Variants in PKHD1 observed in about 807,000 individuals in gnomAD.
The protein encoded by PKHD1 is fibrocystin.
Under a neutral mutation model 412.0 loss-of-function variants are expected in PKHD1, and 291 were observed. The observed-to-expected ratio is 0.71, with a 90% CI of 0.64 to 0.78. The LOEUF is 0.78. PKHD1 is among the 30% of genes least tolerant of loss of function. The probability of loss-of-function intolerance (pLI) is 0.00; values close to 1 mark genes in which losing one functional copy is unlikely to be tolerated. For synonymous variants in PKHD1, 1,777 were observed against 1,821.5 expected, an observed-to-expected ratio of 0.98 and a Z score of 0.62; for missense variants, 4,825 against 4,950.7, an observed-to-expected ratio of 0.97 and a Z score of 0.76.
chr6:51,916,738 T>C (rs1783864712), intron 37 of PKHD1, among the ~76,000 whole-genome samples: 2 of 152,154 alleles, frequency 1.3e-5, no homozygotes, highest in African/African-American at 4.8e-5. Flanking sequence ...GTTGGGTAGC[T>C]CCCTTCCTTT....
chr6:52,003,794 A>G (rs1470787424), intron 35 of PKHD1, among the ~76,000 whole-genome samples: 1 of 152,128 alleles, frequency 6.6e-6, no homozygotes, highest in Non-Finnish European at 1.5e-5. Flanking sequence ...AAGTCCTCCA[A>G]TTTTGTTCCT....
intron 66 of PKHD1, among the ~76,000 whole-genome samples, chr6:51,620,997 G>A (rs1766543933): frequency 1.3e-5 from 2 of 151,996 alleles, no homozygotes; most frequent in South Asian, 4.2e-4. Context: ...CTCTTGCTTA[G>A]AGCTATAAGA....
chr6:51,802,737 G>C (rs1763122827), intron 52 of PKHD1, among the ~76,000 whole-genome samples: 1 of 151,298 alleles, frequency 6.6e-6, no homozygotes, highest in Admixed American at 6.6e-5. Flanking sequence ...ATCAAATATT[G>C]TATCAAATAA....
intron 60 of PKHD1, among the ~76,000 whole-genome samples, chr6:51,676,918 G>C (rs545000775): frequency 3.9e-5 from 6 of 152,194 alleles, no homozygotes; most frequent in Non-Finnish European, 8.8e-5. Context: ...CACTTATAAG[G>C]TGAAGGCATA....
intron 60 of PKHD1, among the ~76,000 whole-genome samples, chr6:51,728,696 A>G (rs1782881021): frequency 6.6e-6 from 1 of 152,210 alleles, no homozygotes; most frequent in South Asian, 2.1e-4. Flanking sequence ...AAGCAGAGAA[A>G]ATAGCCAAGT....
chr6:51,983,700 G>A (rs1795865886), intron 35 of PKHD1, among the ~76,000 whole-genome samples: 1 of 152,204 alleles, frequency 6.6e-6, no homozygotes, highest in African/African-American at 2.4e-5. Context: ...AGGAAGTTAA[G>A]TTTGCACAGC....
chr6:51,984,059 T>G (rs1323453859), intron 35 of PKHD1, among the ~76,000 whole-genome samples: 2 of 152,326 alleles, frequency 1.3e-5, no homozygotes, highest in South Asian at 2.1e-4. Flanking sequence ...AAGGACAGAT[T>G]TGAAAACTCT....
rs752105357 is a variant in PKHD1 at position 52,026,167 on chromosome 6, T to C, written c.3643A>G (p.Ser1215Gly). 1 of 1,614,044 alleles carries C rather than the reference T, an allele frequency of 6.2e-7. No individual in the cohort carries two copies. The highest frequency in any genetic ancestry group is 1.6e-4 in the Middle Eastern group (1 of 6,062). ...CGSLLGGTIL[S>G]ISGIGFSRDP... ...CTGCTGAAGCCTATTCCTGAGATGC[T>C]GAGGATGGTCCCTCCTAAAGTATGA... is the stretch of plus-strand genomic sequence containing the variant. Residue 1215 changes from serine (S) to glycine (G), a missense_variant, in exon 32 of 67, where the codon AGC becomes GGC. Ser to Gly is a moderately conservative substitution (Grantham distance 56, BLOSUM62 0). Transcript: ENST00000371117.
intron 64 of PKHD1, among the ~76,000 whole-genome samples, chr6:51,634,413 A>AATC (rs1232472964): frequency 6.6e-6 from 1 of 152,210 alleles, no homozygotes; most frequent in African/African-American, 2.4e-5. Context: ...GAATAAGCTC[A>AATC]ATCAGGCACA....
intron 52 of PKHD1, among the ~76,000 whole-genome samples, chr6:51,793,956 T>C (rs1219919829): frequency 6.6e-6 from 1 of 152,122 alleles, no homozygotes; most frequent in Non-Finnish European, 1.5e-5. Context: ...CACACTGTCT[T>C]CCACAATGAT....
chr6:51,675,007 T>G (rs1354971331), intron 60 of PKHD1, among the ~76,000 whole-genome samples: 1 of 152,164 alleles, frequency 6.6e-6, no homozygotes, highest in African/African-American at 2.4e-5. Flanking sequence ...TTTTCAGAGT[T>G]TACCAATGAC....
At chr6:51,998,278 A>C (rs1184435530) in intron 35 of PKHD1, among the ~76,000 whole-genome samples, 3 of 152,088 alleles carry the variant, frequency 2.0e-5, no homozygotes, top group Non-Finnish European at 4.4e-5. Flanking sequence ...GCTTCTACCC[A>C]CATTCTATAC....
At chr6:51,661,467 T>C (rs892089127) in intron 60 of PKHD1, among the ~76,000 whole-genome samples, 1 of 151,988 alleles carries the variant, frequency 6.6e-6, no homozygotes, top group African/African-American at 2.4e-5. Context: ...TCTGACCAGA[T>C]TGTGAAAGAG....
At chr6:52,085,053 A>G in intron 1 of PKHD1, 36 bp from the exon 2 acceptor site, 1 of 789,716 alleles carries the variant, frequency 1.3e-6, no homozygotes, top group Non-Finnish European at 2.3e-6. Context: ...AAAAATTATC[A>G]TTTTGTTTAC....
intron 35 of PKHD1, among the ~76,000 whole-genome samples, chr6:51,967,062 T>C (rs1195976038): frequency 6.6e-6 from 1 of 152,084 alleles, no homozygotes; most frequent in Non-Finnish European, 1.5e-5. Flanking sequence ...GAACGCTGTA[T>C]AGCCAGATGG....
chr6:51,837,286 C>T (rs1769396716), intron 50 of PKHD1, among the ~76,000 whole-genome samples: 1 of 152,168 alleles, frequency 6.6e-6, no homozygotes. Flanking sequence ...ACTGGAGCAC[C>T]CCTTGTTGCT....
chr6:51,627,556 G>C (rs928436192), intron 65 of PKHD1, among the ~76,000 whole-genome samples: 1 of 152,076 alleles, frequency 6.6e-6, no homozygotes, highest in African/African-American at 2.4e-5. Context: ...CCGTAGGACA[G>C]AACTGATTAG....
intron 16 of PKHD1, among the ~76,000 whole-genome samples, chr6:52,057,754 G>T (rs890078227): frequency 6.6e-6 from 1 of 151,994 alleles, no homozygotes; most frequent in Non-Finnish European, 1.5e-5. Flanking sequence ...TTTCTACTTT[G>T]TTCTATGGTT....
intron 60 of PKHD1, among the ~76,000 whole-genome samples, chr6:51,665,203 A>C (rs987025295): frequency 6.6e-6 from 1 of 152,178 alleles, no homozygotes; most frequent in African/African-American, 2.4e-5. Context: ...TTATATTTCA[A>C]GGCTATGTAG....
Sources: allele counts gnomAD v4.1 joint callset (sites outside exome capture counted in the v4.1 genomes callset), GRCh38; gene constraint gnomAD v4.1.1; transcripts MANE v1.5; gene names NCBI Gene and HGNC (gene_info 2026-07-23, HGNC 2026-07-21).